The following SCLT1 variants were observed in gnomAD, a reference collection of about 807,000 sequenced individuals.
SCLT1 encodes sodium channel and clathrin linker 1.
Under a neutral mutation model 112.8 loss-of-function variants are expected in SCLT1, and 78 were observed. The ratio of observed to expected loss-of-function variants is 0.69; its 90% CI spans 0.58 to 0.83. The LOEUF (loss-of-function observed/expected upper bound fraction) is 0.83. Among genes scored for constraint, SCLT1 ranks in the 40% least tolerant of loss-of-function variants. The pLI is 0.00. For missense variants in SCLT1, 747 were observed against 770.4 expected (o/e 0.97, Z 0.36); for synonymous variants, 257 against 254.7 (o/e 1.01, Z -0.09).
intron 2 of SCLT1, among the ~76,000 whole-genome samples, chr4:129,046,170 C>G (rs1408931128): frequency 1.3e-5 from 2 of 152,084 alleles, no homozygotes; most frequent in African/African-American, 4.8e-5. Flanking sequence ...AATACAAGTA[C>G]TCTTCACTTT....
At chr4:129,008,996 G>C (rs1166861390) in intron 5 of SCLT1, among the ~76,000 whole-genome samples, 1 of 152,094 alleles carries the variant, frequency 6.6e-6, no homozygotes, top group South Asian at 2.1e-4. Context: ...ACGTGATCTT[G>C]TTCTTTTTTA....
Position 128,948,640 on chromosome 4 carries a change from A to T in SCLT1, c.1219-70T>A. ...CTTAAGAAAAGTGGGGAAAAATTAT[A>T]ATTTGTTCATAATGGGAATATCATA... On this transcript the variant is annotated intron_variant, in intron 14 of 20. Coordinates refer to ENST00000281142, the MANE Select transcript of SCLT1 (RefSeq NM_144643.4). 2.6e-6 allele frequency: 3 copies of T among 1,136,020 alleles called. No individual in the cohort carries two copies. The South Asian group carries it at 4.0e-5, about 15-fold the overall frequency. The allele number at this position is 1,136,020 out of a possible 1,614,324, so 70.4% of individuals were successfully genotyped here.
intron 9 of SCLT1, among the ~76,000 whole-genome samples, chr4:128,983,888 T>C (rs1349890984): frequency 2.6e-5 from 4 of 152,174 alleles, no homozygotes; most frequent in Non-Finnish European, 4.4e-5. Context: ...ATATAGAGCA[T>C]CTCAAAACCT....
chr4:128,927,706 T>C (rs1166884847), intron 18 of SCLT1, among the ~76,000 whole-genome samples: 1 of 151,838 alleles, frequency 6.6e-6, no homozygotes, highest in African/African-American at 2.4e-5. Flanking sequence ...ATTTGAGCCA[T>C]GCTTCTATTT....
chr4:128,893,562 A>G (rs1733489592), intron 18 of SCLT1, among the ~76,000 whole-genome samples: 1 of 150,190 alleles, frequency 6.7e-6, no homozygotes, highest in Non-Finnish European at 1.5e-5. Context: ...TTTTTTTTTG[A>G]GATGGAGTCT....
At chr4:129,029,777 T>A (rs186938024) in intron 5 of SCLT1, among the ~76,000 whole-genome samples, 2 of 152,122 alleles carry the variant, frequency 1.3e-5, no homozygotes, top group Non-Finnish European at 2.9e-5. Context: ...ACCCTAAATA[T>A]ATGTGTACCA....
chr4:129,091,146 C>A (rs1348600833), intron 1 of SCLT1, among the ~76,000 whole-genome samples: 1 of 152,040 alleles, frequency 6.6e-6, no homozygotes, highest in East Asian at 1.9e-4. Flanking sequence ...ATGGAATAAC[C>A]CACCACCTTC....
chr4:128,903,367 C>T (rs1734468890), intron 18 of SCLT1, among the ~76,000 whole-genome samples: 3 of 151,992 alleles, frequency 2.0e-5, no homozygotes, highest in South Asian at 2.1e-4. Flanking sequence ...TGTGGTCCAT[C>T]GTTGACCAAA....
chr4:129,009,884 C>T (rs538598391), intron 5 of SCLT1, among the ~76,000 whole-genome samples: 1 of 152,160 alleles, frequency 6.6e-6, no homozygotes, highest in African/African-American at 2.4e-5. Context: ...AATGTTCCCC[C>T]ACTTTGTATG....
chr4:128,955,740 TATACATATTTTCTC>T (rs1223160736), intron 13 of SCLT1, among the ~76,000 whole-genome samples: 1 of 152,338 alleles, frequency 6.6e-6, no homozygotes, highest in East Asian at 1.9e-4. Context: ...ATTTTTCATT[TATACATATTTTCTC>T]ATACATATTT....
chr4:128,920,022 A>C (rs1327162753), intron 18 of SCLT1, among the ~76,000 whole-genome samples: 1 of 152,196 alleles, frequency 6.6e-6, no homozygotes, highest in Non-Finnish European at 1.5e-5. Flanking sequence ...ATTGAGGAGA[A>C]GGGACTTCTC....
At chr4:129,057,556 GTTT>G (rs35509030) in intron 2 of SCLT1, among the ~76,000 whole-genome samples, 1 of 140,368 alleles carries the variant, frequency 7.1e-6, no homozygotes, top group Admixed American at 7.0e-5. Flanking sequence ...TCCTGAGCTA[GTTT>G]TTTTTTTTTT....
intron 2 of SCLT1, among the ~76,000 whole-genome samples, chr4:129,046,627 G>C (rs6845314): frequency 0.28 from 42,029 of 151,946 alleles, 6,121 homozygotes; most frequent in South Asian, 0.35. Flanking sequence ...ATTATAAACA[G>C]TGCTGCTACA....
chr4:128,993,945 T>C (rs1445611026), intron 8 of SCLT1, among the ~76,000 whole-genome samples: 2 of 152,122 alleles, frequency 1.3e-5, no homozygotes, highest in Non-Finnish European at 2.9e-5. Flanking sequence ...TATACTTTTA[T>C]GTACCATTCA....
Position 128,936,689 on chromosome 4 carries a change from T to G in SCLT1, c.1795A>C (p.Thr599Pro). 6.2e-7 allele frequency: 1 copy of G among 1,604,668 alleles called. No homozygotes were observed. The highest frequency in any genetic ancestry group is 8.5e-7 in the Non-Finnish European group (1 of 1,177,270). The change falls in exon 18 of 21, where the codon ACT becomes CCT. Residue 599 changes from threonine to proline, a missense_variant. Thr to Pro is a conservative substitution (Grantham distance 38). Transcript: ENST00000281142. ...NRWKEETKKL[T>P]ESAEIRINNL... ...TTGATTCTAATTTCTGCACTTTCAG[T>G]AAGTTTCTTCGTTTCTTCTTTCCAC...
intron 9 of SCLT1, among the ~76,000 whole-genome samples, chr4:128,972,954 A>C (rs189332226): frequency 1.3e-4 from 20 of 152,288 alleles, no homozygotes; most frequent in Admixed American, 6.5e-4. Flanking sequence ...GCCAGTCAAC[A>C]TCTAGCCTCA....
At chr4:128,965,594 G>C (rs1483533152) in intron 10 of SCLT1, among the ~76,000 whole-genome samples, 1 of 152,118 alleles carries the variant, frequency 6.6e-6, no homozygotes, top group Non-Finnish European at 1.5e-5. Flanking sequence ...TATAGTACAA[G>C]TCTAACAAAA....
intron 18 of SCLT1, among the ~76,000 whole-genome samples, chr4:128,900,971 G>T (rs1734236971): frequency 6.6e-6 from 1 of 151,992 alleles, no homozygotes; most frequent in African/African-American, 2.4e-5. Context: ...AAACCACAAT[G>T]AGATACCATC....
At chr4:128,878,020 C>T (rs1458890975) in intron 3 of SCLT1, among the ~76,000 whole-genome samples, 2 of 152,162 alleles carry the variant, frequency 1.3e-5, no homozygotes, top group East Asian at 3.9e-4. Context: ...AATAACTGAA[C>T]TCTACATCCT....
Sources: gnomAD v4.1 joint callset for allele counts (sites outside exome capture counted in the v4.1 genomes callset) on GRCh38, gnomAD v4.1.1 for gene constraint, MANE v1.5 for transcripts, NCBI Gene and HGNC (gene_info 2026-07-23, HGNC 2026-07-21) for gene names.